Variants in ZDBF2 observed in about 807,000 individuals in gnomAD.
ZDBF2 encodes DBF4-type zinc finger-containing protein 2.
A neutral mutation model predicts 9.4 loss-of-function variants in ZDBF2; 6 were observed. The observed-to-expected ratio is 0.64, with a 90% CI of 0.35 to 1.27. ZDBF2 has a LOEUF of 1.27. Among genes scored for constraint, ZDBF2 ranks in the 50% most tolerant of loss-of-function variants. The probability of loss-of-function intolerance (pLI) is 0.03; values close to 1 mark genes in which losing one functional copy is unlikely to be tolerated. For synonymous variants in ZDBF2, 905 were observed against 946.3 expected (o/e 0.96, Z 0.80); for missense variants, 2,697 against 2,766.8 (o/e 0.97, Z 0.57).
intron 2 of ZDBF2, among the ~76,000 whole-genome samples, chr2:206,280,136 T>C (rs1218197461): frequency 2.0e-5 from 3 of 152,186 alleles, no homozygotes; most frequent in Non-Finnish European, 4.4e-5. Flanking sequence ...CTTTATAACG[T>C]ATGTCCTGGG....
intron 4 of ZDBF2, among the ~76,000 whole-genome samples, chr2:206,302,358 T>G (rs941061742): frequency 6.6e-6 from 1 of 152,110 alleles, no homozygotes; most frequent in Non-Finnish European, 1.5e-5. Context: ...GAGAGCTTTT[T>G]TTGTTGTTGT....
At chr2:206,283,049 G>T (rs563663490) in intron 3 of ZDBF2, among the ~76,000 whole-genome samples, 2 of 152,144 alleles carry the variant, frequency 1.3e-5, no homozygotes, top group Non-Finnish European at 2.9e-5. Flanking sequence ...TCACGACCTC[G>T]TTCCTTTTTA....
rs757614446 is a variant in ZDBF2 at position 206,309,952 on chromosome 2, A to G, written c.5424A>G (p.Ile1808Met). The G allele has an allele frequency of 5.0e-6, 8 of 1,613,840 alleles. 1 individual carries two copies. The South Asian group carries it at 8.8e-5, about 18-fold the overall frequency. ...VRNLKKAKDVIEDNPDEPVLE... is the reference protein window; with the variant it reads ...VRNLKKAKDVMEDNPDEPVLE... ...ACCTGAAAAAAGCAAAGGATGTCAT[A>G]GAGGATAATCCTGATGAACCAGTTC... The change falls in exon 5 of 5, where the codon ATA becomes ATG. Residue 1808 changes from isoleucine (I) to methionine (M), a missense_variant. Physicochemically the swap from Ile to Met is conservative, Grantham distance 10. Around this residue, in one of 3 missense-constraint regions of ZDBF2, gnomAD observed 1,783 missense variants for 1,776.5 expected, o/e 1.00. Transcript: ENST00000374423.
intron 3 of ZDBF2, 91 bp downstream of exon 3, chr2:206,282,000 A>T: frequency 8.5e-7 from 1 of 1,169,772 alleles, no homozygotes; most frequent in Non-Finnish European, 1.2e-6. Context: ...TTATTCATTG[A>T]ACAGATCATA....
rs1411440248 is a variant in ZDBF2, at chr2:206,305,232, C to G, written c.704C>G (p.Ser235Cys). The G allele has an allele frequency of 6.2e-7, 1 of 1,613,788 alleles. No individual in the cohort carries two copies. The highest frequency in any genetic ancestry group is 8.5e-7 in the Non-Finnish European group (1 of 1,179,822). ...TATCTTGAACAGCCAGATGGGGCCT[C>G]TAGAAATCCTGTGCCATCATCCCAT... Reference protein sequence around the residue: ...EKYLEQPDGASRNPVPSSHVE... With the variant: ...EKYLEQPDGACRNPVPSSHVE... Residue 235 changes from serine (S) to cysteine (C), a missense_variant, in exon 5 of 5, where the codon TCT becomes TGT. By Grantham distance (112) the Ser-to-Cys change is moderately radical. Transcript: ENST00000374423.
intron 3 of ZDBF2, among the ~76,000 whole-genome samples, chr2:206,293,786 G>T (rs560005284): frequency 6.6e-6 from 1 of 152,172 alleles, no homozygotes; most frequent in Non-Finnish European, 1.5e-5. Flanking sequence ...TAGGAATACT[G>T]CTGGTAGGGA....
Position 206,274,905 on chromosome 2 carries a change from C to A in ZDBF2, c.-144C>A. ...GAGAGCGCCCGGCTCGGTCCTCGGT[C>A]TCCACCGCGGCCCGGAAGGAATCCG... On this transcript the variant is annotated 5_prime_UTR_variant, in exon 1 of 5. Transcript: ENST00000374423. The A allele has an allele frequency of 6.6e-6, 1 of 151,800 alleles. No individual in the cohort carries two copies. The highest frequency in any genetic ancestry group is 2.1e-4 in the South Asian group (1 of 4,830). The allele number at this position is 151,800 out of a possible 1,614,324, so 9.4% of individuals were successfully genotyped here.
chr2:206,292,001 T>A, intron 3 of ZDBF2: 1 of 398,192 alleles, frequency 2.5e-6, no homozygotes, highest in Non-Finnish European at 4.4e-6. Flanking sequence ...TTAAGGGAAT[T>A]TGTCACCAGC....
rs1214569926 is a variant in ZDBF2, at chr2:206,310,869, A to G, written c.6341A>G (p.Tyr2114Cys). 11 of 1,613,856 alleles carry G rather than the reference A, an allele frequency of 6.8e-6. No individual in the cohort carries two copies. Among genetic ancestry groups the G allele is most frequent in the Admixed American group, 1.7e-5 (1 of 60,000 alleles). ...SAPLMAVPAR[Y>C]GFNSHQGTSD... Reference sequence around the variant, plus strand: ...CCTTTAATGGCAGTGCCGGCAAGATATGGATTTAATTCACATCAGGGAACC... The same window carrying G: ...CCTTTAATGGCAGTGCCGGCAAGATGTGGATTTAATTCACATCAGGGAACC... Residue 2114 changes from tyrosine to cysteine, a missense_variant, in exon 5 of 5, where the codon TAT becomes TGT. Transcript: ENST00000374423.
intron 4 of ZDBF2, among the ~76,000 whole-genome samples, chr2:206,298,057 C>T (rs1692292127): frequency 6.6e-6 from 1 of 152,128 alleles, no homozygotes; most frequent in Non-Finnish European, 1.5e-5. Flanking sequence ...AAAACTGAGT[C>T]AAATCCACAT....
intron 3 of ZDBF2, among the ~76,000 whole-genome samples, chr2:206,296,861 T>C (rs1692204297): frequency 6.6e-6 from 1 of 152,238 alleles, no homozygotes; most frequent in East Asian, 1.9e-4. Context: ...TCTTAATATG[T>C]AACGTTTCCC....
intron 3 of ZDBF2, among the ~76,000 whole-genome samples, chr2:206,294,321 A>G (rs1211977351): frequency 6.6e-6 from 1 of 152,156 alleles, no homozygotes; most frequent in East Asian, 1.9e-4. Context: ...GTGATAGTTG[A>G]TTGAGCTGTA....
chr2:206,307,183 T>A lies in ZDBF2; in HGVS notation c.2655T>A (p.Asn885Lys). ...DSHAPLHSVT[N>K]SPEVAVKKLN... ...ATGCCCCTCTTCATTCAGTGACTAA[T>A]TCTCCCGAAGTAGCTGTTAAAAAGC... is the stretch of plus-strand genomic sequence containing the variant. The change falls in exon 5 of 5, where the codon AAT becomes AAA. Residue 885 changes from asparagine (N) to lysine (K), a missense_variant. By Grantham distance (94) the Asn-to-Lys change is moderately conservative. Transcript: ENST00000374423. 6.2e-7 allele frequency: 1 copy of A among 1,613,348 alleles called. No individual in the cohort carries two copies. The highest frequency in any genetic ancestry group is 8.5e-7 in the Non-Finnish European group (1 of 1,179,672).
intron 1 of ZDBF2, among the ~76,000 whole-genome samples, chr2:206,275,836 A>G (rs542038260): frequency 6.6e-6 from 1 of 152,304 alleles, no homozygotes; most frequent in South Asian, 2.1e-4. Context: ...GTGTTACATA[A>G]GGGGTGTTTA....
At chr2:206,293,349 T>A (rs905001003) in intron 3 of ZDBF2, among the ~76,000 whole-genome samples, 4 of 152,040 alleles carry the variant, frequency 2.6e-5, no homozygotes, top group Admixed American at 2.6e-4. Context: ...GCCAAAATAG[T>A]AAAGCTTCTA....
At chr2:206,288,987 C>T (rs760252093) in intron 3 of ZDBF2, among the ~76,000 whole-genome samples, 54 of 152,124 alleles carry the variant, frequency 3.5e-4, no homozygotes, top group Non-Finnish European at 8.8e-5. Context: ...ACAACAATGA[C>T]TCCATTCCCC....
In ZDBF2 at chr2:206,309,492, A is replaced by C. The variant is rs376406681; in HGVS notation, c.4964A>C (p.Asp1655Ala). 1.2e-6 allele frequency: 2 copies of C among 1,613,990 alleles called. No homozygotes were observed. The change falls in exon 5 of 5, where the codon GAT becomes GCT. Residue 1655 changes from aspartate to alanine, a missense_variant. Transcript: ENST00000374423. ...EKMVKYIDSE[D>A]KSCGYNGSKG... Reference sequence around the variant, plus strand: ...ATGGTGAAATATATTGATTCAGAAGATAAGAGCTGTGGATATAATGGTTCT... The same window carrying C: ...ATGGTGAAATATATTGATTCAGAAGCTAAGAGCTGTGGATATAATGGTTCT...
chr2:206,293,697 G>A (rs1360546242), intron 3 of ZDBF2, among the ~76,000 whole-genome samples: 1 of 152,096 alleles, frequency 6.6e-6, no homozygotes, highest in Non-Finnish European at 1.5e-5. Flanking sequence ...ACAGATTAAG[G>A]CCACAGTGAT....
chr2:206,308,935 T>TCAAGTGTCTTACAAAGAGG lies in ZDBF2; in HGVS notation c.4410_4428dup (p.Asp1477SerfsTer24). ...ATCTTCAGTCAGAAGTTGACCAACC[T>TCAAGTGTCTTACAAAGAGG]CAAGTGTCTTACAAAGAGGCAGACC... On this transcript the variant is annotated frameshift_variant, in exon 5 of 5. Transcript: ENST00000374423. LOFTEE classifies it low-confidence loss of function (END_TRUNC). The TCAAGTGTCTTACAAAGAGG allele has an allele frequency of 1.2e-5, 19 of 1,613,390 alleles. No homozygotes were observed. The highest frequency in any genetic ancestry group is 1.6e-5 in the Non-Finnish European group (19 of 1,179,594).
Sources: gnomAD v4.1 joint callset for allele counts (sites outside exome capture counted in the v4.1 genomes callset) on GRCh38, gnomAD v4.1.1 for gene constraint, gnomAD v4.1.1 regional missense constraint, MANE v1.5 for transcripts, NCBI Gene and HGNC (gene_info 2026-07-23, HGNC 2026-07-21) for gene names.